XKR7: variants seen among roughly 807,000 people sequenced by gnomAD.
XKR7 encodes XK related 7, also known as XK-related protein 7.
A neutral mutation model predicts 42.2 loss-of-function variants in XKR7; 11 were observed. The observed-to-expected ratio is 0.26, with a 90% CI of 0.16 to 0.43. The LOEUF (loss-of-function observed/expected upper bound fraction) is 0.43. XKR7 is among the 20% of genes least tolerant of loss of function. XKR7 has a pLI of 1.00. For synonymous variants in XKR7, 346 were observed against 366.4 expected (o/e 0.94, Z 0.64); for missense variants, 710 against 802.2 (o/e 0.89, Z 1.39).
chr20:31,994,304 G>C (rs1239239226), intron 1 of XKR7, among the ~76,000 whole-genome samples: 5 of 152,256 alleles, frequency 3.3e-5, no homozygotes, highest in African/African-American at 9.6e-5. Context: ...CTAATGGTTA[G>C]AGTGCCGGCC....
At position 31,995,052 on chromosome 20, in the gene XKR7, C is replaced by A; in HGVS notation, c.585-16C>A. The A allele has an allele frequency of 6.5e-7, 1 of 1,541,436 alleles. No individual in the cohort carries two copies. Among genetic ancestry groups the A allele is most frequent in the South Asian group, 1.2e-5 (1 of 83,444 alleles). The stretch of plus-strand genomic sequence containing the variant: ...AACCAGCGCGCGGGAGCCTGAGCAC[C>A]GCGTCCTTCCCGCAGGTACCTGCGC... On this transcript the variant is annotated splice_polypyrimidine_tract_variant and intron_variant, in intron 1 of 2. Transcript: ENST00000562532. This position sits in a 1 kb window ranked among gnomAD's most constrained non-coding sequence, Gnocchi z 4.1.
At position 31,995,246 on chromosome 20, in the gene XKR7, G is replaced by A. The variant is rs2064586079; in HGVS notation, c.763G>A (p.Gly255Ser). The stretch of plus-strand genomic sequence containing the variant: ...GCAGCTCAGCCTGCTGGTGCACCGC[G>A]GTGGCGCGCCCGACCTGCTGCCGGG... Reference protein sequence around the residue: ...VLQLSLLVHRGGAPDLLPALS... With the variant: ...VLQLSLLVHRSGAPDLLPALS... Residue 255 changes from glycine to serine, a missense_variant, in exon 2 of 3, where the codon GGT becomes AGT. Physicochemically the swap from Gly to Ser is moderately conservative, Grantham distance 56. Transcript: ENST00000562532. The surrounding 1 kb of genome is among the most constrained non-coding windows in gnomAD (Gnocchi z 4.1). The A allele has an allele frequency of 2.6e-6, 4 of 1,539,004 alleles. No individual in the cohort carries two copies. Among genetic ancestry groups the A allele is most frequent in the Non-Finnish European group, 3.5e-6 (4 of 1,146,054 alleles).
intron 1 of XKR7, among the ~76,000 whole-genome samples, chr20:31,983,373 G>A (rs1568884797): frequency 6.6e-6 from 1 of 152,230 alleles, no homozygotes; most frequent in Non-Finnish European, 1.5e-5. Context: ...TGACCAGAGA[G>A]GCTGCAGAAG....
chr20:31,972,373 C>T (rs540360087), intron 1 of XKR7, among the ~76,000 whole-genome samples: 18 of 152,286 alleles, frequency 1.2e-4, no homozygotes, highest in Non-Finnish European at 2.1e-4. Flanking sequence ...TTGGGACATG[C>T]CAGAACAATA....
chr20:31,984,428 A>G (rs1465570424), intron 1 of XKR7, among the ~76,000 whole-genome samples: 5 of 152,190 alleles, frequency 3.3e-5, no homozygotes, highest in Non-Finnish European at 7.4e-5. Context: ...ACACCAGGGT[A>G]GAGAGAAGGA....
At chr20:31,983,455 G>C (rs967011599) in intron 1 of XKR7, among the ~76,000 whole-genome samples, 18 of 152,194 alleles carry the variant, frequency 1.2e-4, no homozygotes, top group African/African-American at 4.3e-4. Context: ...ACATTGAGCT[G>C]AGATGGGAGA....
At chr20:31,971,847 G>A (rs1049703137) in intron 1 of XKR7, among the ~76,000 whole-genome samples, 1 of 152,156 alleles carries the variant, frequency 6.6e-6, no homozygotes, top group South Asian at 2.1e-4. Flanking sequence ...GACATTCAGG[G>A]GCAAGTAGTG....
chr20:31,991,536 A>C (rs1327058902), intron 1 of XKR7, among the ~76,000 whole-genome samples: 1 of 152,130 alleles, frequency 6.6e-6, no homozygotes, highest in Non-Finnish European at 1.5e-5. Flanking sequence ...CAGCCTCCAC[A>C]GCAAGCTTTC....
intron 2 of XKR7, 35 bp from the exon 3 acceptor site, chr20:31,996,470 A>AACCCCCCCC: frequency 5.0e-6 from 2 of 401,224 alleles, no homozygotes; most frequent in East Asian, 3.5e-5. Flanking sequence ...CCCGCCCCTA[A>AACCCCCCCC]CCCAGCCCAC....
At chr20:31,977,376 A>G (rs2064490165) in intron 1 of XKR7, among the ~76,000 whole-genome samples, 1 of 152,194 alleles carries the variant, frequency 6.6e-6, no homozygotes, top group African/African-American at 2.4e-5. Context: ...AAGAAAGCAG[A>G]GTAGCTGAGA....
In XKR7 at chr20:31,995,048, G is replaced by A. The variant is rs930415597; in HGVS notation, c.585-20G>A. On this transcript the variant is annotated intron_variant, in intron 1 of 2. Coordinates refer to ENST00000562532, the MANE Select transcript of XKR7 (RefSeq NM_001011718.2). This position sits in a 1 kb window ranked among gnomAD's most constrained non-coding sequence, Gnocchi z 4.1. ...GAGGAACCAGCGCGCGGGAGCCTGAGCACCGCGTCCTTCCCGCAGGTACCT... is the reference window on the plus strand; with the variant it reads ...GAGGAACCAGCGCGCGGGAGCCTGAACACCGCGTCCTTCCCGCAGGTACCT... The A allele has an allele frequency of 1.6e-5, 24 of 1,540,860 alleles. No homozygotes were observed. Among genetic ancestry groups the A allele is most frequent in the Non-Finnish European group, 1.9e-5 (22 of 1,145,490 alleles).
intron 1 of XKR7, among the ~76,000 whole-genome samples, chr20:31,985,037 C>T (rs1300922297): frequency 6.6e-6 from 1 of 152,230 alleles, no homozygotes; most frequent in Non-Finnish European, 1.5e-5. Context: ...GCCTGTCATC[C>T]AGCTGGGACT....
chr20:31,996,470 ACC>A, intron 2 of XKR7, 33 bp from the exon 3 acceptor site: 1 of 401,224 alleles, frequency 2.5e-6, no homozygotes, highest in Non-Finnish European at 4.2e-6. Context: ...CCCGCCCCTA[ACC>A]CAGCCCACCC....
In XKR7 at chr20:31,998,091, GT is replaced by G. The variant is rs2064605509; in HGVS notation, c.*635del. 3.6e-5 allele frequency: 4 copies of G among 112,140 alleles called. No homozygotes were observed. The highest frequency in any genetic ancestry group is 2.0e-4 in the Admixed American group (2 of 9,802). 6.9% of individuals were successfully genotyped at this position (112,140 alleles called of 1,614,324 possible). A position where few individuals can be genotyped will look rare whatever the true frequency, so the allele number is the denominator to read the frequency against. On this transcript the variant is annotated 3_prime_UTR_variant, in exon 3 of 3. Transcript: ENST00000562532. ...GATAGGAGAAAGAACTGGGGGGGGG[GT>G]CTAGGCTGGCAGAAGCATGGAGGGG...
chr20:31,977,237 A>G (rs1449517520), intron 1 of XKR7, among the ~76,000 whole-genome samples: 1 of 152,172 alleles, frequency 6.6e-6, no homozygotes, highest in African/African-American at 2.4e-5. Context: ...GGTACTCAAT[A>G]AATGTTGGTG....
At chr20:31,973,048 G>A (rs570505740) in intron 1 of XKR7, among the ~76,000 whole-genome samples, 42 of 152,274 alleles carry the variant, frequency 2.8e-4, no homozygotes, top group Admixed American at 8.5e-4. Flanking sequence ...GTAAACTAGG[G>A]ACCAAAATTG....
rs561240403 is a variant in XKR7, at chr20:31,995,500, C to T, written c.787+230C>T. ...ACTCAGAGTGAGGAGGGACCTGGCC[C>T]CTCCACTCCCTCGACACCCATCAGC... On this transcript the variant is annotated intron_variant, in intron 2 of 2. Coordinates refer to ENST00000562532, the MANE Select transcript of XKR7 (RefSeq NM_001011718.2). The surrounding 1 kb of genome is among the most constrained non-coding windows in gnomAD (Gnocchi z 4.1). 4.6e-5 allele frequency among the ~76,000 whole-genome samples: 7 copies of T among 152,134 alleles called. No individual in the cohort carries two copies. The East Asian group carries it at 1.2e-3, about 25-fold the overall frequency.
Position 32,001,930 on chromosome 20 carries a change from C to T in XKR7, c.*4473C>T, listed in dbSNP as rs6087810. 0.081 allele frequency: 12,271 copies of T among 152,238 alleles called. 564 individuals carry two copies. The highest frequency in any genetic ancestry group is 0.11 in the African/African-American group (4,418 of 41,488). The allele number at this position is 152,238 out of a possible 1,614,324, so 9.4% of individuals were successfully genotyped here. A position where few individuals can be genotyped will look rare whatever the true frequency, so the allele number is the denominator to read the frequency against. ...GGAAGGGAACAAGTGGGTGTCAAGC[C>T]GCATGGGCAGTAGTAGGGTTGGGGT... On this transcript the variant is annotated 3_prime_UTR_variant, in exon 3 of 3. Transcript: ENST00000562532.
At chr20:31,977,650 T>C (rs563060182) in intron 1 of XKR7, among the ~76,000 whole-genome samples, 2 of 152,316 alleles carry the variant, frequency 1.3e-5, no homozygotes, top group South Asian at 2.1e-4. Context: ...AGTAACAAGA[T>C]GGGGTTAGGA....
Sources: gnomAD v4.1 joint callset for allele counts (sites outside exome capture counted in the v4.1 genomes callset) on GRCh38, gnomAD v4.1.1 for gene constraint, Gnocchi (gnomAD v3.1) non-coding constraint, MANE v1.5 for transcripts, NCBI Gene and HGNC (gene_info 2026-07-23, HGNC 2026-07-21) for gene names.